The following RNPEP variants were observed in gnomAD, a reference collection of about 807,000 sequenced individuals.
RNPEP encodes arginyl aminopeptidase.
A neutral mutation model predicts 70.1 loss-of-function variants in RNPEP; 57 were observed. The observed-to-expected ratio is 0.81, with a 90% CI of 0.66 to 1.01. RNPEP has a LOEUF of 1.01. Among genes scored for constraint, RNPEP ranks in the 50% least tolerant of loss-of-function variants. The probability of loss-of-function intolerance (pLI) is 0.00; values close to 1 mark genes in which losing one functional copy is unlikely to be tolerated. For synonymous variants in RNPEP, 335 were observed against 357.4 expected, an observed-to-expected ratio of 0.94 and a Z score of 0.71; for missense variants, 787 against 852.4, an observed-to-expected ratio of 0.92 and a Z score of 0.96.
intron 3 of RNPEP, among the ~76,000 whole-genome samples, chr1:201,991,418 G>T (rs1245749701): frequency 6.6e-6 from 1 of 152,148 alleles, no homozygotes; most frequent in African/African-American, 2.4e-5. Context: ...GGCCGTGGGG[G>T]TTTATTAAAT....
At chr1:202,003,548 TGCCC>T (rs1456470965) in intron 9 of RNPEP, 87 bp downstream of exon 9, 2 of 949,758 alleles carry the variant, frequency 2.1e-6, no homozygotes, top group Non-Finnish European at 3.2e-6. Flanking sequence ...TAGTGATGCT[TGCCC>T]CTAGGGAACT....
rs1683968823 is a variant in RNPEP at position 202,004,469 on chromosome 1, G to A, written c.1767G>A (p.Trp589Ter). The change falls in exon 10 of 11, where the codon TGG becomes TGA. Residue 589 changes from tryptophan (W) to a stop codon, truncating the protein, a stop_gained. Coordinates refer to ENST00000295640, the MANE Select transcript of RNPEP (RefSeq NM_020216.4). LOFTEE classifies it high-confidence loss of function. ...VLKNDHQEDF[W>*]KVKEFLHNQG... ...AGAACGACCACCAGGAAGATTTCTGGAAAGTGAAGGAGTTCCTGCATAACC... is the reference window on the plus strand; with the variant it reads ...AGAACGACCACCAGGAAGATTTCTGAAAAGTGAAGGAGTTCCTGCATAACC... The A allele has an allele frequency of 5.0e-6, 8 of 1,614,030 alleles. No homozygotes were observed. Among genetic ancestry groups the A allele is most frequent in the Non-Finnish European group, 6.8e-6 (8 of 1,180,036 alleles).
At chr1:202,001,128 A>G in intron 6 of RNPEP, 1 of 493,522 alleles carries the variant, frequency 2.0e-6, no homozygotes, top group Non-Finnish European at 3.6e-6. Context: ...AAGTACCTTG[A>G]GAGAGGCCAA....
chr1:202,001,104 C>T (rs1217263990), intron 6 of RNPEP: 2 of 429,864 alleles, frequency 4.7e-6, no homozygotes, highest in African/African-American at 4.0e-5. Context: ...GTGAATGGCC[C>T]TCTGAGATCT....
intron 5 of RNPEP, among the ~76,000 whole-genome samples, chr1:201,999,464 A>C (rs892980353): frequency 3.3e-5 from 5 of 151,038 alleles, no homozygotes; most frequent in African/African-American, 1.2e-4. Flanking sequence ...GCTTGAACCC[A>C]GGAGGAGACG....
chr1:202,001,224 C>A, intron 6 of RNPEP, 152 bp from the exon 7 acceptor site: 10 of 618,438 alleles, frequency 1.6e-5, no homozygotes, highest in Non-Finnish European at 2.6e-5. Context: ...TGGAGAGAGG[C>A]CAGGATCTGG....
At chr1:201,984,334 G>A (rs1027484420) in intron 1 of RNPEP, among the ~76,000 whole-genome samples, 2 of 152,300 alleles carry the variant, frequency 1.3e-5, no homozygotes, top group South Asian at 4.1e-4. Context: ...TGCAGCAAAG[G>A]CAGGAAGACT....
Position 201,989,457 on chromosome 1 carries a change from G to T in RNPEP, c.663G>T (p.Gln221His), listed in dbSNP as rs1336649299. ...EKRGPNKFFF[Q>H]MCQPIPSYLI... Reference sequence around the variant, plus strand: ...GAGGTCCAAATAAGTTCTTCTTCCAGATGTGTCAGCCCATCCCCTCCTATC... The same window carrying T: ...GAGGTCCAAATAAGTTCTTCTTCCATATGTGTCAGCCCATCCCCTCCTATC... Residue 221 changes from glutamine to histidine, a missense_variant, in exon 3 of 11, where the codon CAG becomes CAT. Gln to His is a conservative substitution (Grantham distance 24, BLOSUM62 0). Transcript: ENST00000295640. 3 of 1,614,112 alleles carry T rather than the reference G, an allele frequency of 1.9e-6. No individual in the cohort carries two copies. Among genetic ancestry groups the T allele is most frequent in the African/African-American group, 2.7e-5 (2 of 74,948 alleles).
rs866588418 is a variant in RNPEP, at chr1:201,983,197, G to A, written c.447+84G>A. On this transcript the variant is annotated intron_variant, in intron 1 of 10. Coordinates refer to ENST00000295640, the MANE Select transcript of RNPEP (RefSeq NM_020216.4). ...CCCTGCACCCTCACCTACCCCACCC[G>A]GGAGGAGGGACAGGGAGGACCCTTC... is the stretch of plus-strand genomic sequence containing the variant. 1.3e-4 allele frequency: 179 copies of A among 1,388,124 alleles called. 4 individuals carry two copies. The South Asian group carries it at 1.6e-3, about 13-fold the overall frequency. 86.0% of individuals were successfully genotyped at this position (1,388,124 alleles called of 1,614,324 possible).
rs753017251 is a variant in RNPEP at position 202,003,460 on chromosome 1, T to C, written c.1650T>C (p.Pro550=). ...DKILQKSPLP[P]GNVKKLGDTY... Reference sequence around the variant, plus strand: ...TCCTCCAGAAATCCCCTCTCCCTCCTGGTAAGAAAAAATGGTGAACCAGGG... The same window carrying C: ...TCCTCCAGAAATCCCCTCTCCCTCCCGGTAAGAAAAAATGGTGAACCAGGG... The change falls in exon 9 of 11, where the codon CCT becomes CCC. Residue 550 remains proline (P), a splice_region_variant and synonymous_variant. Transcript: ENST00000295640. 2.0e-5 allele frequency: 32 copies of C among 1,607,838 alleles called. No homozygotes were observed. The highest frequency in any genetic ancestry group is 2.6e-5 in the Non-Finnish European group (31 of 1,175,434).
intron 8 of RNPEP, 180 bp from the exon 9 acceptor site, chr1:202,003,057 G>C: frequency 1.7e-6 from 1 of 592,254 alleles, no homozygotes; most frequent in South Asian, 2.2e-5. Context: ...ACAGTCTCTA[G>C]ATGTCGTTAT....
In RNPEP at chr1:202,003,444, A is replaced by G; in HGVS notation, c.1634A>G (p.Lys545Arg). The G allele has an allele frequency of 6.2e-7, 1 of 1,613,178 alleles. No individual in the cohort carries two copies. Among genetic ancestry groups the G allele is most frequent in the Non-Finnish European group, 8.5e-7 (1 of 1,179,328 alleles). Residue 545 changes from lysine to arginine, a missense_variant, in exon 9 of 11, where the codon AAA (lysine) becomes AGA (arginine). By Grantham distance (26) the Lys-to-Arg change is conservative. Transcript: ENST00000295640. ...LVYFLDKILQ[K>R]SPLPPGNVKK... ...TACTTCCTGGATAAGATCCTCCAGA[A>G]ATCCCCTCTCCCTCCTGGTAAGAAA...
chr1:201,982,662 C>T lies in RNPEP; in HGVS notation c.-5C>T, dbSNP rs1414283346. On this transcript the variant is annotated 5_prime_UTR_variant, in exon 1 of 11. Transcript: ENST00000295640. Reference sequence around the variant, plus strand: ...GCCCGGCCGGTGAGCAACGGCTCTGCGGCCATGGCGAGCGGCGAGCATTCC... The same window carrying T: ...GCCCGGCCGGTGAGCAACGGCTCTGTGGCCATGGCGAGCGGCGAGCATTCC... 1.4e-5 allele frequency: 19 copies of T among 1,339,608 alleles called. No individual in the cohort carries two copies. The highest frequency in any genetic ancestry group is 1.9e-5 in the South Asian group (1 of 53,600). 83.0% of individuals were successfully genotyped at this position (1,339,608 alleles called of 1,614,324 possible).
At chr1:202,004,234 GC>G in intron 9 of RNPEP, 119 bp from the exon 10 acceptor site, 2 of 1,094,916 alleles carry the variant, frequency 1.8e-6, no homozygotes, top group Non-Finnish European at 2.6e-6. Flanking sequence ...CGCCATATTG[GC>G]CAGGCTGGTC....
rs966048053 is a variant in RNPEP at position 202,002,449 on chromosome 1, G to A, written c.1426+682G>A. Among the ~76,000 whole-genome samples the A allele has an allele frequency of 3.3e-5, 5 of 152,128 alleles. No homozygotes were observed. The East Asian group carries it at 5.8e-4, about 18-fold the overall frequency. On this transcript the variant is annotated intron_variant, in intron 8 of 10. Transcript: ENST00000295640. ...AGTGCTGGGATTACAGGCGTGAGCC[G>A]CTGTGCCCAGCCGCCAGTTTCTGCC...
intron 1 of RNPEP, among the ~76,000 whole-genome samples, chr1:201,984,662 AG>A (rs1214711623): frequency 6.6e-6 from 1 of 152,042 alleles, no homozygotes; most frequent in South Asian, 2.1e-4. Flanking sequence ...ATTTTGGTGG[AG>A]GGGGGATGAT....
intron 3 of RNPEP, chr1:201,995,846 C>A: frequency 3.2e-6 from 1 of 309,408 alleles, no homozygotes; most frequent in Non-Finnish European, 6.0e-6. Context: ...ACTCATTTTA[C>A]AGATGAGGAA....
chr1:202,004,887 C>G (rs140647966), intron 10 of RNPEP, among the ~76,000 whole-genome samples: 1 of 152,204 alleles, frequency 6.6e-6, no homozygotes. Flanking sequence ...TGGGCATGAT[C>G]GGGACAGCAG....
Position 202,005,995 on chromosome 1 carries a change from G to A in RNPEP, c.*279G>A. 1 of 403,082 alleles carries A rather than the reference G, an allele frequency of 2.5e-6. No individual in the cohort carries two copies. Among genetic ancestry groups the A allele is most frequent in the Non-Finnish European group, 4.5e-6 (1 of 220,736 alleles). 25.0% of individuals were successfully genotyped at this position (403,082 alleles called of 1,614,324 possible). On this transcript the variant is annotated 3_prime_UTR_variant, in exon 11 of 11. Coordinates refer to ENST00000295640, the MANE Select transcript of RNPEP (RefSeq NM_020216.4). ...AGCGGGTATTCTCCTCCCCACCTAA[G>A]TCTCTGGGAAGAAGTGGAGAGGACT...
Sources: allele counts gnomAD v4.1 joint callset (sites outside exome capture counted in the v4.1 genomes callset), GRCh38; gene constraint gnomAD v4.1.1; transcripts MANE v1.5; gene names NCBI Gene and HGNC (gene_info 2026-07-23, HGNC 2026-07-21).